TMEM163: variants seen among roughly 807,000 people sequenced by gnomAD.
The protein encoded by TMEM163 is transmembrane protein 163.
In TMEM163, 17 loss-of-function variants were observed where a neutral mutation model predicts 29.3. The ratio of observed to expected loss-of-function variants is 0.58; its 90% CI spans 0.40 to 0.87. TMEM163 has a LOEUF of 0.87. Ranked by LOEUF, TMEM163 falls within the 40% of genes least tolerant of loss-of-function variation. The pLI, the probability that TMEM163 is intolerant of heterozygous loss-of-function variation, is 0.00. For missense variants in TMEM163, 303 were observed against 381.5 expected (o/e 0.79, Z 1.71); for synonymous variants, 157 against 160.6 (o/e 0.98, Z 0.17).
intron 2 of TMEM163, among the ~76,000 whole-genome samples, chr2:134,640,205 C>A (rs1011082861): frequency 6.6e-6 from 1 of 152,104 alleles, no homozygotes; most frequent in Admixed American, 6.5e-5. Context: ...CCATGCTGTG[C>A]GACATCTGTG....
At chr2:134,491,752 T>C (rs1433683292) in intron 5 of TMEM163, among the ~76,000 whole-genome samples, 1 of 152,174 alleles carries the variant, frequency 6.6e-6, no homozygotes, top group Non-Finnish European at 1.5e-5. Context: ...AAGCTCTTTT[T>C]TTGCTTTTTA....
intron 2 of TMEM163, among the ~76,000 whole-genome samples, chr2:134,703,897 T>C (rs1361253847): frequency 6.6e-6 from 1 of 152,084 alleles, no homozygotes; most frequent in Non-Finnish European, 1.5e-5. Context: ...ATTCTCCAGC[T>C]GCTCTTTTCA....
At chr2:134,514,694 C>T (rs1004982381) in intron 4 of TMEM163, among the ~76,000 whole-genome samples, 5 of 152,194 alleles carry the variant, frequency 3.3e-5, no homozygotes, top group African/African-American at 1.2e-4. Context: ...TTGCTCTCAA[C>T]CTCACACCCC....
At chr2:134,489,986 A>C (rs554719433) in intron 5 of TMEM163, among the ~76,000 whole-genome samples, 2 of 152,346 alleles carry the variant, frequency 1.3e-5, no homozygotes, top group Admixed American at 1.3e-4. Context: ...GGCCACGTGC[A>C]CACATGAATT....
intron 4 of TMEM163, among the ~76,000 whole-genome samples, chr2:134,522,116 C>G (rs555218): frequency 0.62 from 94,252 of 151,226 alleles, 31,484 homozygotes; most frequent in East Asian, 0.94. Flanking sequence ...GAATTTCTAG[C>G]GGGGGTGGGC....
At chr2:134,549,506 G>A (rs986665771) in intron 4 of TMEM163, among the ~76,000 whole-genome samples, 13 of 151,970 alleles carry the variant, frequency 8.6e-5, no homozygotes, top group Non-Finnish European at 1.3e-4. Flanking sequence ...AGCACCACAC[G>A]CAGCTAATTT....
chr2:134,504,027 A>G (rs559008741), intron 4 of TMEM163, among the ~76,000 whole-genome samples: 1 of 152,352 alleles, frequency 6.6e-6, no homozygotes, highest in African/African-American at 2.4e-5. Flanking sequence ...TGTCTCCACC[A>G]TTTGGTGGCC....
chr2:134,662,741 A>G (rs1250572024), intron 2 of TMEM163, among the ~76,000 whole-genome samples: 2 of 152,222 alleles, frequency 1.3e-5, no homozygotes, highest in African/African-American at 4.8e-5. Context: ...TTATCAGATC[A>G]TGGGTTTCAA....
intron 5 of TMEM163, among the ~76,000 whole-genome samples, chr2:134,474,638 A>G (rs1686875134): frequency 6.6e-6 from 1 of 152,190 alleles, no homozygotes; most frequent in South Asian, 2.1e-4. Context: ...TCCCACACAC[A>G]AAACATACTT....
intron 4 of TMEM163, among the ~76,000 whole-genome samples, chr2:134,546,517 G>A (rs894804434): frequency 4.6e-5 from 7 of 152,210 alleles, no homozygotes; most frequent in Middle Eastern, 3.4e-3. Context: ...CATGGCGGAC[G>A]CCTGTAGTCC....
At chr2:134,600,262 G>T (rs1403992802) in intron 2 of TMEM163, among the ~76,000 whole-genome samples, 1 of 152,144 alleles carries the variant, frequency 6.6e-6, no homozygotes, top group Non-Finnish European at 1.5e-5. Flanking sequence ...AGGTGAATGT[G>T]GTTGTCATGT....
intron 2 of TMEM163, among the ~76,000 whole-genome samples, chr2:134,578,777 T>A (rs1681620740): frequency 6.6e-6 from 1 of 152,056 alleles, no homozygotes. Flanking sequence ...CATGTGTGTG[T>A]GAGAGGCAGT....
chr2:134,515,104 C>T (rs979826949), intron 4 of TMEM163, among the ~76,000 whole-genome samples: 2 of 152,200 alleles, frequency 1.3e-5, no homozygotes, highest in East Asian at 1.9e-4. Flanking sequence ...CTCAGCAACG[C>T]GATACTTGGA....
intron 2 of TMEM163, among the ~76,000 whole-genome samples, chr2:134,683,423 A>AT (rs1408259515): frequency 2.9e-5 from 4 of 139,318 alleles, no homozygotes; most frequent in African/African-American, 1.3e-4. Context: ...AAAGTCTTTA[A>AT]TTTAAAAAAA....
chr2:134,646,087 A>G (rs1469222110), intron 2 of TMEM163, among the ~76,000 whole-genome samples: 1 of 151,246 alleles, frequency 6.6e-6, no homozygotes, highest in Admixed American at 6.6e-5. Context: ...AACTTGCGGA[A>G]TGGCTTTTTT....
chr2:134,546,808 A>G (rs891470759), intron 4 of TMEM163, among the ~76,000 whole-genome samples: 4 of 152,100 alleles, frequency 2.6e-5, no homozygotes, highest in African/African-American at 9.7e-5. Context: ...GCAAGGCTCC[A>G]TCTCAAAAAA....
intron 4 of TMEM163, among the ~76,000 whole-genome samples, chr2:134,530,311 GC>G (rs1680391697): frequency 6.6e-6 from 1 of 152,076 alleles, no homozygotes; most frequent in South Asian, 2.1e-4. Context: ...TCACTCTGTT[GC>G]CCAGGCTGGA....
intron 2 of TMEM163, among the ~76,000 whole-genome samples, chr2:134,552,407 TC>T (rs1469133260): frequency 3.3e-5 from 5 of 152,070 alleles, no homozygotes; most frequent in Non-Finnish European, 7.4e-5. Flanking sequence ...GGGAACTATA[TC>T]AAACTTTCAA....
At chr2:134,617,098 G>T (rs1035150561) in intron 2 of TMEM163, among the ~76,000 whole-genome samples, 2 of 152,004 alleles carry the variant, frequency 1.3e-5, no homozygotes, top group African/African-American at 4.8e-5. Flanking sequence ...ATGGCATAAG[G>T]TTATATAAGC....
Sources: allele counts gnomAD v4.1 joint callset (sites outside exome capture counted in the v4.1 genomes callset), GRCh38; gene constraint gnomAD v4.1.1; transcripts MANE v1.5; gene names NCBI Gene and HGNC (gene_info 2026-07-23, HGNC 2026-07-21).